The following KCNQ1 variants were observed in gnomAD, a reference collection of about 807,000 sequenced individuals.
KCNQ1 encodes potassium voltage-gated channel subfamily Q member 1, also known as potassium voltage-gated channel subfamily KQT member 1.
In KCNQ1, 49 loss-of-function variants were observed where a neutral mutation model predicts 72.4. The observed-to-expected ratio is 0.68, with a 90% CI of 0.54 to 0.86. The LOEUF is 0.86. Ranked by LOEUF, KCNQ1 falls within the 40% of genes least tolerant of loss-of-function variation. The pLI, the probability that KCNQ1 is intolerant of heterozygous loss-of-function variation, is 0.00. For synonymous variants in KCNQ1, 450 were observed against 412.6 expected (o/e 1.09, Z -1.10); for missense variants, 790 against 945.1 (o/e 0.84, Z 2.15).
At position 2,611,713 on chromosome 11, in the gene KCNQ1, A is replaced by G; in HGVS notation, c.1393+22859A>G. The G allele has an allele frequency of 2.5e-6, 1 of 398,532 alleles. No homozygotes were observed. The highest frequency in any genetic ancestry group is 4.4e-6 in the Non-Finnish European group (1 of 226,048). 24.7% of individuals were successfully genotyped at this position (398,532 alleles called of 1,614,324 possible). A position where few individuals can be genotyped will look rare whatever the true frequency, so the allele number is the denominator to read the frequency against. On this transcript the variant is annotated intron_variant, in intron 10 of 15. Transcript: ENST00000155840. This position sits in a 1 kb window ranked among gnomAD's most constrained non-coding sequence, Gnocchi z 5.3. ...TTTTAATTCACTTATATGTAATATAATTATTGATATGGAAGGATTTATATC... is the reference window on the plus strand; with the variant it reads ...TTTTAATTCACTTATATGTAATATAGTTATTGATATGGAAGGATTTATATC...
chr11:2,489,907 A>C (rs1045949639), intron 1 of KCNQ1, among the ~76,000 whole-genome samples: 1 of 152,164 alleles, frequency 6.6e-6, no homozygotes, highest in African/African-American at 2.4e-5. Context: ...TGAGATTCTG[A>C]AATATACTGG....
intron 8 of KCNQ1, among the ~76,000 whole-genome samples, chr11:2,587,304 A>C (rs1194344504): frequency 6.6e-6 from 1 of 152,172 alleles, no homozygotes; most frequent in African/African-American, 2.4e-5. Flanking sequence ...AGGGCTGGTA[A>C]AGACCTCTGT....
intron 11 of KCNQ1, among the ~76,000 whole-genome samples, chr11:2,716,565 C>T (rs757321071): frequency 3.3e-5 from 5 of 152,220 alleles, no homozygotes; most frequent in Non-Finnish European, 7.3e-5. Context: ...GCTTGCCAAG[C>T]GGTGTTAGGA....
chr11:2,726,677 C>T (rs1366828068), intron 11 of KCNQ1, among the ~76,000 whole-genome samples: 8 of 152,172 alleles, frequency 5.3e-5, no homozygotes, highest in Non-Finnish European at 1.2e-4. Context: ...ATATTTTCCC[C>T]CAAAATTTTA....
chr11:2,577,399 G>A (rs753434689), intron 6 of KCNQ1, among the ~76,000 whole-genome samples: 4 of 152,206 alleles, frequency 2.6e-5, no homozygotes, highest in Non-Finnish European at 5.9e-5. Flanking sequence ...GAGACCTCAA[G>A]ACACAGTCAC....
intron 2 of KCNQ1, among the ~76,000 whole-genome samples, chr11:2,545,601 TG>T (rs376017616): frequency 2.7e-3 from 414 of 152,234 alleles, no homozygotes; most frequent in Non-Finnish European, 4.3e-3. Context: ...ATAATTACAT[TG>T]AGGTGATTGA....
Position 2,464,433 on chromosome 11 carries a change from G to A in KCNQ1, c.386+18949G>A, listed in dbSNP as rs894454101. Among the ~76,000 whole-genome samples the A allele has an allele frequency of 2.0e-5, 3 of 152,296 alleles. No individual in the cohort carries two copies. The highest frequency in any genetic ancestry group is 2.9e-5 in the Non-Finnish European group (2 of 68,020). ...AGTCCCTGGAGTGTCTTCTGGCATC[G>A]CATGGATGAGAACTCTGAATGAATT... On this transcript the variant is annotated intron_variant, in intron 1 of 15. Transcript: ENST00000155840. This position sits in a 1 kb window ranked among gnomAD's most constrained non-coding sequence, Gnocchi z 5.0.
chr11:2,779,217 G>A (rs1334247113), intron 15 of KCNQ1, among the ~76,000 whole-genome samples: 1 of 152,232 alleles, frequency 6.6e-6, no homozygotes, highest in Admixed American at 6.5e-5. Context: ...ACCCGGGAGA[G>A]GTCAGCTCAC....
Position 2,847,872 on chromosome 11 carries a change from G to A in KCNQ1, c.1900G>A (p.Gly634Ser). 6.3e-7 allele frequency: 1 copy of A among 1,578,964 alleles called. No individual in the cohort carries two copies. The highest frequency in any genetic ancestry group is 1.8e-5 in the Admixed American group (1 of 55,868). ...CGGCAGCGGCGGCCCCCCCAGAGAG[G>A]GCGGGGCCCACATCACCCAGCCCTG... ...TPGSGGPPRE[G>S]GAHITQPCGS... is the part of the protein sequence containing the mutation. The change falls in exon 16 of 16, where the codon GGC becomes AGC. Residue 634 changes from glycine (G) to serine (S), a missense_variant. Gly to Ser is a moderately conservative substitution (Grantham distance 56, BLOSUM62 0). Coordinates refer to ENST00000155840, the MANE Select transcript of KCNQ1 (RefSeq NM_000218.3).
rs375564971 is a variant in KCNQ1, at chr11:2,826,933, C to T, written c.1795-20834C>T. ...AAAGCCAGGCAGGTGGCCCATGAGC[C>T]GTGGAGTAGGTGGGGAAGGGGACAT... On this transcript the variant is annotated intron_variant, in intron 15 of 15. Coordinates refer to ENST00000155840, the MANE Select transcript of KCNQ1 (RefSeq NM_000218.3). This position sits in a 1 kb window ranked among gnomAD's most constrained non-coding sequence, Gnocchi z 4.2. Among the ~76,000 whole-genome samples, 30 of 152,262 alleles carry T rather than the reference C, an allele frequency of 2.0e-4. 2 individuals carry two copies. The South Asian group carries it at 6.0e-3, about 31-fold the overall frequency.
rs1047043126 is a variant in KCNQ1, at chr11:2,567,178, A to G, written c.478-3450A>G. 2.0e-5 allele frequency among the ~76,000 whole-genome samples: 3 copies of G among 152,130 alleles called. No individual in the cohort carries two copies. The highest frequency in any genetic ancestry group is 7.2e-5 in the African/African-American group (3 of 41,420). The stretch of plus-strand genomic sequence containing the variant: ...AGGAGCTATGGCAGCTGCTTGAGCA[A>G]GGTGGGCAAGGGAGAAGTACCAAAT... On this transcript the variant is annotated intron_variant, in intron 2 of 15. Coordinates refer to ENST00000155840, the MANE Select transcript of KCNQ1 (RefSeq NM_000218.3). The surrounding 1 kb of genome is among the most constrained non-coding windows in gnomAD (Gnocchi z 6.6).
At position 2,818,349 on chromosome 11, in the gene KCNQ1, C is replaced by T. The variant is rs753749252; in HGVS notation, c.1795-29418C>T. On this transcript the variant is annotated intron_variant, in intron 15 of 15. Transcript: ENST00000155840. This position sits in a 1 kb window ranked among gnomAD's most constrained non-coding sequence, Gnocchi z 7.2. ...TTGAGCATGTACACAGGCTGCAGCC[C>T]GTGTTCCTGGAGCCACCGTCCCAGG... Among the ~76,000 whole-genome samples, 7 of 152,300 alleles carry T rather than the reference C, an allele frequency of 4.6e-5. No homozygotes were observed. Among genetic ancestry groups the T allele is most frequent in the Non-Finnish European group, 7.4e-5 (5 of 68,006 alleles).
intron 2 of KCNQ1, among the ~76,000 whole-genome samples, chr11:2,535,097 A>C (rs1847707653): frequency 1.3e-5 from 2 of 152,228 alleles, no homozygotes; most frequent in Non-Finnish European, 2.9e-5. Flanking sequence ...CTGCCCCATG[A>C]GCCTGTAGGA....
Position 2,703,379 on chromosome 11 carries a change from T to C in KCNQ1, c.1514+41298T>C, listed in dbSNP as rs148364550. ...GCAGGTCCCATTCTCCTTTTGTGTCTGGTTTGCCTCATCTGTACATGGTAG... is the reference window on the plus strand; with the variant it reads ...GCAGGTCCCATTCTCCTTTTGTGTCCGGTTTGCCTCATCTGTACATGGTAG... On this transcript the variant is annotated intron_variant, in intron 11 of 15. Transcript: ENST00000155840. This position sits in a 1 kb window ranked among gnomAD's most constrained non-coding sequence, Gnocchi z 6.4. Among the ~76,000 whole-genome samples the C allele has an allele frequency of 1.4e-4, 22 of 152,300 alleles. No individual in the cohort carries two copies. Among genetic ancestry groups the C allele is most frequent in the African/African-American group, 5.3e-4 (22 of 41,570 alleles).
At chr11:2,760,341 G>A (rs1846371896) in intron 11 of KCNQ1, among the ~76,000 whole-genome samples, 1 of 152,228 alleles carries the variant, frequency 6.6e-6, no homozygotes, top group Non-Finnish European at 1.5e-5. Context: ...AAATGAACCA[G>A]CGGATGGGGG....
intron 10 of KCNQ1, chr11:2,610,917 G>C: frequency 2.5e-6 from 1 of 398,150 alleles, no homozygotes; most frequent in Non-Finnish European, 4.4e-6. Context: ...TTGGGTAATA[G>C]TTCAATAACT....
rs146044834 is a variant in KCNQ1, at chr11:2,631,298, A to G, written c.1394-30663A>G. 6.4e-4 allele frequency: 255 copies of G among 398,192 alleles called. 2 individuals carry two copies. The East Asian group carries it at 8.0e-3, about 13-fold the overall frequency. 24.7% of individuals were successfully genotyped at this position (398,192 alleles called of 1,614,324 possible). A position where few individuals can be genotyped will look rare whatever the true frequency, so the allele number is the denominator to read the frequency against. ...TTTTCATTCTTTATTTTTCTCCTCT[A>G]CTGGTTATTTTCAAATAATTTATCC... On this transcript the variant is annotated intron_variant, in intron 10 of 15. Transcript: ENST00000155840.
intron 11 of KCNQ1, chr11:2,699,839 C>T (rs1166692856): frequency 7.6e-6 from 3 of 397,192 alleles, no homozygotes; most frequent in African/African-American, 4.1e-5. Context: ...CGAGGAGGAC[C>T]GCGCTGAGGG....
chr11:2,453,376 G>GA (rs1178840209), intron 1 of KCNQ1, among the ~76,000 whole-genome samples: 8 of 134,706 alleles, frequency 5.9e-5, no homozygotes, highest in African/African-American at 1.6e-4. Context: ...TCCATCTCAG[G>GA]GAAAAAAAAA....
Sources: allele counts gnomAD v4.1 joint callset (sites outside exome capture counted in the v4.1 genomes callset), GRCh38; gene constraint gnomAD v4.1.1; non-coding constraint Gnocchi (gnomAD v3.1); transcripts MANE v1.5; gene names NCBI Gene and HGNC (gene_info 2026-07-23, HGNC 2026-07-21).